Variants in MYLK4 observed in about 807,000 individuals in gnomAD.
MYLK4 encodes the protein caMLCK like.
A neutral mutation model predicts 48.1 loss-of-function variants in MYLK4; 46 were observed. The ratio of observed to expected loss-of-function variants is 0.96; its 90% CI spans 0.75 to 1.22. MYLK4 has a LOEUF of 1.22. Ranked by LOEUF, MYLK4 falls within the 50% of genes most tolerant of loss-of-function variation. MYLK4 has a pLI of 0.00. For synonymous variants in MYLK4, 170 were observed against 180.8 expected (o/e 0.94, Z 0.48); for missense variants, 451 against 486.1 (o/e 0.93, Z 0.68).
At chr6:2,679,241 G>A (rs1170692243) in intron 9 of MYLK4, 39 bp downstream of exon 9, 5 of 1,611,048 alleles carry the variant, frequency 3.1e-6, no homozygotes, top group South Asian at 2.2e-5. Context: ...AATATGCATG[G>A]AGTTGGAGAA....
chr6:2,702,925 G>A (rs1267987677), intron 2 of MYLK4, among the ~76,000 whole-genome samples: 4 of 152,096 alleles, frequency 2.6e-5, no homozygotes, highest in African/African-American at 7.2e-5. Context: ...TGAACTCTTC[G>A]GGTTCTTGTC....
chr6:2,699,619 G>A (rs778464755), intron 2 of MYLK4, among the ~76,000 whole-genome samples: 1 of 152,044 alleles, frequency 6.6e-6, no homozygotes. Context: ...AACAGCCTCT[G>A]CTAGCAAGAA....
intron 2 of MYLK4, among the ~76,000 whole-genome samples, chr6:2,713,008 T>G (rs1439876053): frequency 6.6e-6 from 1 of 152,192 alleles, no homozygotes; most frequent in African/African-American, 2.4e-5. Flanking sequence ...GGGCACAGTT[T>G]CCATTGGATC....
chr6:2,683,210 C>T (rs372247334), intron 6 of MYLK4, 48 bp from the exon 7 acceptor site: 3 of 1,607,270 alleles, frequency 1.9e-6, no homozygotes, highest in African/African-American at 2.7e-5. Flanking sequence ...TTCCTTACCA[C>T]CATGTGCTTT....
intron 12 of MYLK4, among the ~76,000 whole-genome samples, chr6:2,670,713 G>A (rs1760853255): frequency 6.6e-6 from 1 of 152,102 alleles, no homozygotes; most frequent in African/African-American, 2.4e-5. Flanking sequence ...TGTATGGGAG[G>A]TGGTATTCTT....
intron 3 of MYLK4, 144 bp from the exon 4 acceptor site, chr6:2,689,100 T>A: frequency 1.6e-6 from 1 of 642,450 alleles, no homozygotes; most frequent in Non-Finnish European, 2.8e-6. Context: ...GATCCAGGGA[T>A]ATAGATTTCC....
chr6:2,759,928 G>A, the MYLK4 span, among the ~76,000 whole-genome samples: 1 of 152,108 alleles, frequency 6.6e-6, no homozygotes, highest in Non-Finnish European at 1.5e-5. Flanking sequence ...AATACAGTTG[G>A]CCCTCCATTT....
rs1760621006 is a variant in MYLK4 at position 2,665,684 on chromosome 6, A to AT, written c.*2240_*2241insA. On this transcript the variant is annotated 3_prime_UTR_variant, in exon 13 of 13. Coordinates refer to ENST00000274643, the MANE Select transcript of MYLK4 (RefSeq NM_001012418.5). ...TGGATGCAAATTGCACGTCGTGCAA[A>AT]AGATCTCCTGCTTGATTTGGTAGAG... 1 of 152,182 alleles carries AT rather than the reference A, an allele frequency of 6.6e-6. No individual in the cohort carries two copies. Among genetic ancestry groups the AT allele is most frequent in the Non-Finnish European group, 1.5e-5 (1 of 68,046 alleles). The allele number at this position is 152,182 out of a possible 1,614,324, so 9.4% of individuals were successfully genotyped here.
Position 2,683,391 on chromosome 6 carries a change from T to TTGTGTGTGTGTGTGTG in MYLK4, c.546-245_546-230dup, listed in dbSNP as rs67359849. ...ATCCTCAAGCCAACTCCCCACCTTT[T>TTGTGTGTGTGTGTGTG]TGTGTGTGTGTGTGTGTGTGTGTGT... On this transcript the variant is annotated intron_variant, in intron 6 of 12. Transcript: ENST00000274643. 2.7e-3 allele frequency among the ~76,000 whole-genome samples: 337 copies of TTGTGTGTGTGTGTGTG among 126,650 alleles called. 10 individuals are homozygous for TTGTGTGTGTGTGTGTG. Among genetic ancestry groups the TTGTGTGTGTGTGTGTG allele is most frequent in the Admixed American group, 5.2e-3 (61 of 11,734 alleles). The allele number at this position is 126,650 out of a possible 152,430, so 83.1% of individuals were successfully genotyped here.
intron 6 of MYLK4, among the ~76,000 whole-genome samples, chr6:2,683,560 G>A (rs1582038939): frequency 6.6e-6 from 1 of 151,996 alleles, no homozygotes; most frequent in Non-Finnish European, 1.5e-5. Context: ...GCTGGGATTA[G>A]AGGCATGCGC....
At chr6:2,680,362 C>G in intron 7 of MYLK4, 71 bp from the exon 8 acceptor site, 1 of 1,605,084 alleles carries the variant, frequency 6.2e-7, no homozygotes. Context: ...TGAACCACAA[C>G]TAAAAATACA....
intron 2 of MYLK4, among the ~76,000 whole-genome samples, chr6:2,695,537 G>A (rs762093300): frequency 1.5e-4 from 23 of 152,144 alleles, no homozygotes; most frequent in Non-Finnish European, 3.4e-4. Flanking sequence ...TCCAAGAGAG[G>A]TTGCTTTTTT....
intron 4 of MYLK4, 82 bp downstream of exon 4, chr6:2,688,769 G>T: frequency 9.0e-7 from 1 of 1,111,132 alleles, no homozygotes; most frequent in Non-Finnish European, 1.4e-6. Flanking sequence ...TAGTTCTCAG[G>T]TCAAGACAGG....
the MYLK4 span, chr6:2,770,048 G>T: frequency 4.6e-5 from 74 of 1,592,670 alleles, no homozygotes; most frequent in Non-Finnish European, 2.6e-6. Flanking sequence ...GGAAGGGATA[G>T]CCAACTTACA....
chr6:2,749,687 G>A (rs1373360980), intron 1 of MYLK4, among the ~76,000 whole-genome samples: 1 of 152,190 alleles, frequency 6.6e-6, no homozygotes, highest in Non-Finnish European at 1.5e-5. Flanking sequence ...ACAAGCCGTA[G>A]ATCAAGTGGC....
Position 2,749,516 on chromosome 6 carries a change from G to C in MYLK4, c.-112-110C>G, listed in dbSNP as rs1268216064. On this transcript the variant is annotated intron_variant, in intron 1 of 12. Coordinates refer to ENST00000274643, the MANE Select transcript of MYLK4 (RefSeq NM_001012418.5). The stretch of plus-strand genomic sequence containing the variant: ...GTCCCTTCTGTTTAAACTGGAGAGA[G>C]GATCCAAAATCAGGAAAAGAAATAC... 3 of 379,660 alleles carry C rather than the reference G, an allele frequency of 7.9e-6. No homozygotes were observed. The East Asian group carries it at 1.2e-4, about 15-fold the overall frequency. 23.5% of individuals were successfully genotyped at this position (379,660 alleles called of 1,614,324 possible).
intron 11 of MYLK4, 47 bp downstream of exon 11, chr6:2,675,000 G>C: frequency 7.5e-7 from 1 of 1,337,520 alleles, no homozygotes; most frequent in African/African-American, 1.4e-5. Flanking sequence ...ATCTTCAAAA[G>C]ACAGGCAGAC....
chr6:2,694,002 G>A (rs978804471), intron 2 of MYLK4, among the ~76,000 whole-genome samples: 1 of 152,008 alleles, frequency 6.6e-6, no homozygotes, highest in East Asian at 1.9e-4. Flanking sequence ...CAGTTGATCC[G>A]CCTGCCCCGG....
Position 2,689,441 on chromosome 6 carries a change from T to C in MYLK4, c.236-485A>G, listed in dbSNP as rs113018423. Among the ~76,000 whole-genome samples, 89 of 152,348 alleles carry C rather than the reference T, an allele frequency of 5.8e-4. 1 individual carries two copies. Among genetic ancestry groups the C allele is most frequent in the African/African-American group, 2.1e-3 (87 of 41,580 alleles). ...ATATTATATATTACTTTCCAAAATG[T>C]CTTAGACTTTATTTAAGACACATTT... is the stretch of plus-strand genomic sequence containing the variant. On this transcript the variant is annotated intron_variant, in intron 3 of 12. Coordinates refer to ENST00000274643, the MANE Select transcript of MYLK4 (RefSeq NM_001012418.5).
Sources: allele counts gnomAD v4.1 joint callset (sites outside exome capture counted in the v4.1 genomes callset), GRCh38; gene constraint gnomAD v4.1.1; transcripts MANE v1.5; gene names NCBI Gene and HGNC (gene_info 2026-07-23, HGNC 2026-07-21).